The following NOTCH3 variants were observed in gnomAD, a reference collection of about 807,000 sequenced individuals.
NOTCH3 encodes the protein neurogenic locus notch homolog protein 3.
A neutral mutation model predicts 213.3 loss-of-function variants in NOTCH3; 86 were observed. The observed-to-expected ratio is 0.40, with a 90% CI of 0.34 to 0.48. NOTCH3 has a LOEUF of 0.48. Among genes scored for constraint, NOTCH3 ranks in the 20% least tolerant of loss-of-function variants. The probability of loss-of-function intolerance (pLI) is 0.57; values close to 1 mark genes in which losing one functional copy is unlikely to be tolerated. For synonymous variants in NOTCH3, 1,354 were observed against 1,355.9 expected, an observed-to-expected ratio of 1.00 and a Z score of 0.03; for missense variants, 2,783 against 3,272.6, an observed-to-expected ratio of 0.85 and a Z score of 3.65.
chr19:15,171,739 C>G (rs1039050766), intron 25 of NOTCH3, among the ~76,000 whole-genome samples: 8 of 152,338 alleles, frequency 5.3e-5, no homozygotes, highest in Middle Eastern at 3.4e-3. Context: ...GGTGCAATCT[C>G]AGCTCACTGC....
In NOTCH3 at chr19:15,184,903, T is replaced by C; in HGVS notation, c.2410+3A>G. Reference sequence around the variant, plus strand: ...GAGGAGGGAAGAGAAGCAGGTGGCATACCTTGCCAGCCCTGGGGGCAGGAG... The same window carrying C: ...GAGGAGGGAAGAGAAGCAGGTGGCACACCTTGCCAGCCCTGGGGGCAGGAG... On this transcript the variant is annotated splice_donor_region_variant and intron_variant, in intron 15 of 32. Coordinates refer to ENST00000263388, the MANE Select transcript of NOTCH3 (RefSeq NM_000435.3). 6.6e-7 allele frequency: 1 copy of C among 1,518,058 alleles called. No homozygotes were observed. Among genetic ancestry groups the C allele is most frequent in the Non-Finnish European group, 9.0e-7 (1 of 1,116,946 alleles). 94.0% of individuals were successfully genotyped at this position (1,518,058 alleles called of 1,614,324 possible).
rs192166507 is a variant in NOTCH3 at position 15,168,941 on chromosome 19, T to C, written c.5199+1145A>G. 5.9e-5 allele frequency among the ~76,000 whole-genome samples: 9 copies of C among 152,164 alleles called. No individual in the cohort carries two copies. In the East Asian group the frequency reaches 1.5e-3, roughly 26 times the overall value. ...GATAGGACTTTATTTTTAGACAGGG[T>C]CTTGCTCTGTTACCCAGGCTGGAGT... On this transcript the variant is annotated intron_variant, in intron 28 of 32. Transcript: ENST00000263388.
At chr19:15,171,997 G>A (rs895146574) in intron 25 of NOTCH3, among the ~76,000 whole-genome samples, 1 of 149,614 alleles carries the variant, frequency 6.7e-6, no homozygotes, top group South Asian at 2.1e-4. Context: ...CCAGGGTTCA[G>A]GCAATTCTCC....
chr19:15,200,046 G>A (rs1268988885), intron 1 of NOTCH3, among the ~76,000 whole-genome samples: 7 of 37,364 alleles, frequency 1.9e-4, no homozygotes, highest in African/African-American at 2.5e-4. Flanking sequence ...GGGAGGAGAG[G>A]AGGAGGGGCG....
At chr19:15,181,243 C>T in intron 17 of NOTCH3, 81 bp from the exon 18 acceptor site, 1 of 1,282,222 alleles carries the variant, frequency 7.8e-7, no homozygotes, top group East Asian at 2.5e-5. Flanking sequence ...CCGCTGTTAG[C>T]GCTGGGGACG....
In NOTCH3 at chr19:15,187,308, A is replaced by G. The variant is rs1253768104; in HGVS notation, c.1637T>C (p.Val546Ala). The change falls in exon 11 of 33, where the codon GTG (valine) becomes GCG (alanine). Residue 546 changes from valine to alanine, a missense_variant. Physicochemically the swap from Val to Ala is moderately conservative, Grantham distance 64 (BLOSUM62 0). This residue lies in a region of NOTCH3 where 708 missense variants were observed against 906.6 expected (regional missense o/e 0.78). Transcript: ENST00000263388. The stretch of plus-strand genomic sequence containing the variant: ...GCATGGGTCAGGGGAGCAGTCGTCC[A>G]CGTTGCGATCACACAGCGTGCCCTC... ...GFEGTLCDRN[V>A]DDCSPDPCHH... 1 of 1,613,816 alleles carries G rather than the reference A, an allele frequency of 6.2e-7. No individual in the cohort carries two copies. The highest frequency in any genetic ancestry group is 8.5e-7 in the Non-Finnish European group (1 of 1,179,998).
At chr19:15,166,526 C>A (rs62113794) in intron 29 of NOTCH3, among the ~76,000 whole-genome samples, 137,022 of 151,992 alleles carry the variant, frequency 0.9, 62,089 homozygotes, top group African/African-American at 0.98. Flanking sequence ...AAAAAAAGAG[C>A]TGCCCCCAGG....
At chr19:15,176,798 T>C (rs1300568339) in intron 24 of NOTCH3, among the ~76,000 whole-genome samples, 11 of 116,526 alleles carry the variant, frequency 9.4e-5, no homozygotes, top group African/African-American at 3.6e-4. Context: ...AGGAGCCAGG[T>C]GCGGTGGCTC....
intron 15 of NOTCH3, 89 bp downstream of exon 15, chr19:15,184,817 G>A: frequency 1.3e-6 from 1 of 777,912 alleles, no homozygotes; most frequent in South Asian, 1.6e-5. Context: ...GCTGGGGATG[G>A]GTCCCTCTCT....
chr19:15,197,577 G>T lies in NOTCH3; in HGVS notation c.120C>A (p.Ala40=), dbSNP rs146904189. 3.1e-6 allele frequency: 5 copies of T among 1,611,390 alleles called. No homozygotes were observed. Among genetic ancestry groups the T allele is most frequent in the Non-Finnish European group, 3.4e-6 (4 of 1,179,740 alleles). Residue 40 remains alanine (A), a splice_region_variant and synonymous_variant, in exon 2 of 33, where the codon GCC becomes GCA. Coordinates refer to ENST00000263388, the MANE Select transcript of NOTCH3 (RefSeq NM_000435.3). Reference sequence around the variant, plus strand: ...ACGGGCTTCCGTCCAGGCAAGGGGGGGCTGTGTGGGGGTGAAGGAAGGTGG... The same window carrying T: ...ACGGGCTTCCGTCCAGGCAAGGGGGTGCTGTGTGGGGGTGAAGGAAGGTGG... ...LLLLAGPGAA[A]PPCLDGSPCA...
intron 6 of NOTCH3, among the ~76,000 whole-genome samples, chr19:15,190,851 T>C (rs1321763947): frequency 1.3e-5 from 2 of 152,068 alleles, no homozygotes; most frequent in Non-Finnish European, 2.9e-5. Flanking sequence ...CCTCCCAATG[T>C]GTTGGGGTTA....
chr19:15,192,364 C>T lies in NOTCH3; in HGVS notation c.340+13G>A. On this transcript the variant is annotated intron_variant, in intron 3 of 32. Coordinates refer to ENST00000263388, the MANE Select transcript of NOTCH3 (RefSeq NM_000435.3). ...CCCCCGACTACCTCCCCTCCAGACT[C>T]TTCCCCTCTCACCTCGGAAGCCACG... is the stretch of plus-strand genomic sequence containing the variant. 1.9e-6 allele frequency: 3 copies of T among 1,612,932 alleles called. No individual in the cohort carries two copies. Among genetic ancestry groups the T allele is most frequent in the Non-Finnish European group, 2.5e-6 (3 of 1,179,930 alleles).
chr19:15,171,039 C>A (rs1599370293), intron 25 of NOTCH3, among the ~76,000 whole-genome samples: 1 of 152,294 alleles, frequency 6.6e-6, no homozygotes. Context: ...AGCCATGAAT[C>A]CAATGGATAT....
chr19:15,171,985 G>A (rs1479074800), intron 25 of NOTCH3, among the ~76,000 whole-genome samples: 1 of 151,066 alleles, frequency 6.6e-6, no homozygotes, highest in Non-Finnish European at 1.5e-5. Flanking sequence ...CAACCTCCAC[G>A]TCCAGGGTTC....
At chr19:15,197,329 GC>G (rs2046976366) in intron 2 of NOTCH3, among the ~76,000 whole-genome samples, 170 bp downstream of exon 2, 2 of 152,168 alleles carry the variant, frequency 1.3e-5, no homozygotes, top group African/African-American at 4.8e-5. Context: ...AGAGTGCAGA[GC>G]CCCTGCTCAG....
rs141993521 is a variant in NOTCH3 at position 15,185,378 on chromosome 19, A to G, written c.2175T>C (p.Ser725=). The change falls in exon 14 of 33, where the codon AGT becomes AGC. Residue 725 remains serine (S), a synonymous_variant. Coordinates refer to ENST00000263388, the MANE Select transcript of NOTCH3 (RefSeq NM_000435.3). This position sits in a 1 kb window ranked among gnomAD's most constrained non-coding sequence, Gnocchi z 4.2. ...GFRCVCEPGW[S]GPRCSQSLAR... is the part of the protein sequence containing the mutation. ...CCAGGCTCTGGCTGCAGCGGGGGCCACTCCAGCCAGGCTCACACACACAGC... is the reference window on the plus strand; with the variant it reads ...CCAGGCTCTGGCTGCAGCGGGGGCCGCTCCAGCCAGGCTCACACACACAGC... 581 of 1,612,098 alleles carry G rather than the reference A, an allele frequency of 3.6e-4. No individual in the cohort carries two copies. The African/African-American group carries it at 7.2e-3, about 20-fold the overall frequency.
Position 15,181,131 on chromosome 19 carries a change from C to G in NOTCH3, c.2824G>C (p.Gly942Arg), listed in dbSNP as rs777577687. The G allele has an allele frequency of 1.7e-5, 27 of 1,607,430 alleles. No homozygotes were observed. Among genetic ancestry groups the G allele is most frequent in the Non-Finnish European group, 2.2e-5 (26 of 1,177,680 alleles). The change falls in exon 18 of 33, where the codon GGC (glycine) becomes CGC (arginine). Residue 942 changes from glycine to arginine, a missense_variant. Transcript: ENST00000263388. Reference sequence around the variant, plus strand: ...CACAGGCAGCTGAACGAGTTCACGCCGTCCACACAGGTCCCGCCATTGAAG... The same window carrying G: ...CACAGGCAGCTGAACGAGTTCACGCGGTCCACACAGGTCCCGCCATTGAAG... Reference protein sequence around the residue: ...SCFNGGTCVDGVNSFSCLCRP... With the variant: ...SCFNGGTCVDRVNSFSCLCRP...
At chr19:15,170,215 T>G in intron 27 of NOTCH3, 45 bp from the exon 28 acceptor site, 1 of 1,521,552 alleles carries the variant, frequency 6.6e-7, no homozygotes, top group Non-Finnish European at 9.1e-7. Flanking sequence ...ACACTAGAGG[T>G]GTCCAGCTGG....
Position 15,187,287 on chromosome 19 carries a change from G to A in NOTCH3, c.1658C>T (p.Pro553Leu). The A allele has an allele frequency of 6.2e-7, 1 of 1,614,088 alleles. No homozygotes were observed. Among genetic ancestry groups the A allele is most frequent in the Non-Finnish European group, 8.5e-7 (1 of 1,180,020 alleles). Residue 553 changes from proline (P) to leucine (L), a missense_variant, in exon 11 of 33, where the codon CCA (proline) becomes CTA (leucine). By Grantham distance (98) the Pro-to-Leu change is moderately conservative. Coordinates refer to ENST00000263388, the MANE Select transcript of NOTCH3 (RefSeq NM_000435.3). ...DRNVDDCSPD[P>L]CHHGRCVDGI... ...ATCCACGCAGCGACCATGGTGGCATGGGTCAGGGGAGCAGTCGTCCACGTT... is the reference window on the plus strand; with the variant it reads ...ATCCACGCAGCGACCATGGTGGCATAGGTCAGGGGAGCAGTCGTCCACGTT...
Sources: gnomAD v4.1 joint callset for allele counts (sites outside exome capture counted in the v4.1 genomes callset) on GRCh38, gnomAD v4.1.1 for gene constraint, gnomAD v4.1.1 regional missense constraint, Gnocchi (gnomAD v3.1) non-coding constraint, MANE v1.5 for transcripts, NCBI Gene and HGNC (gene_info 2026-07-23, HGNC 2026-07-21) for gene names.